The following BCL7B variants were observed in gnomAD, a reference collection of about 807,000 sequenced individuals.
BCL7B encodes the protein BAF chromatin remodeling complex subunit BCL7B, also known as B-cell CLL/lymphoma 7 protein family member B.
In BCL7B, 11 loss-of-function variants were observed where a neutral mutation model predicts 26.5. The ratio of observed to expected loss-of-function variants is 0.42; its 90% CI spans 0.26 to 0.69. The LOEUF is 0.69. BCL7B is among the 30% of genes least tolerant of loss of function. The pLI is 0.28. For missense variants in BCL7B, 215 were observed against 264.4 expected (o/e 0.81, Z 1.30); for synonymous variants, 111 against 107.9 (o/e 1.03, Z -0.18).
At chr7:73,547,757 T>C (rs1046356953) in intron 2 of BCL7B, among the ~76,000 whole-genome samples, 1 of 152,166 alleles carries the variant, frequency 6.6e-6, no homozygotes, top group African/African-American at 2.4e-5. Flanking sequence ...GAAGCTCTCT[T>C]TGACAAAACT....
In BCL7B at chr7:73,538,156, C is replaced by G. The variant is rs143909387; in HGVS notation, c.437-143G>C. On this transcript the variant is annotated intron_variant, in intron 4 of 5. Coordinates refer to ENST00000223368, the MANE Select transcript of BCL7B (RefSeq NM_001707.4). The stretch of plus-strand genomic sequence containing the variant: ...AAGCAAACATTCATTCAGGGCCCAG[C>G]TGGACCAGGTCACAGCCAAGAATGG... 5.4e-4 allele frequency: 256 copies of G among 477,798 alleles called. 3 individuals carry two copies. In the East Asian group the frequency reaches 8.3e-3, roughly 15 times the overall value. 29.6% of individuals were successfully genotyped at this position (477,798 alleles called of 1,614,324 possible). A position where few individuals can be genotyped will look rare whatever the true frequency, so the allele number is the denominator to read the frequency against.
At position 73,542,181 on chromosome 7, in the gene BCL7B, C is replaced by T. The variant is rs150505971; in HGVS notation, c.265+1367G>A. 6.8e-4 allele frequency among the ~76,000 whole-genome samples: 103 copies of T among 152,350 alleles called. 1 individual carries two copies. In the East Asian group the frequency reaches 0.012, roughly 18 times the overall value. On this transcript the variant is annotated intron_variant, in intron 3 of 5. Transcript: ENST00000223368. ...GTCCTTGACTCCCCAGTGCAACGCA[C>T]GGTACCTGCATACAGTGGGAGTTCA... is the stretch of plus-strand genomic sequence containing the variant.
chr7:73,550,595 C>T (rs1554584001), intron 2 of BCL7B, among the ~76,000 whole-genome samples: 1 of 151,750 alleles, frequency 6.6e-6, no homozygotes, highest in African/African-American at 2.4e-5. Context: ...AGTTGAACCA[C>T]AGAGAATACA....
chr7:73,545,239 G>C (rs2115772697), intron 2 of BCL7B, among the ~76,000 whole-genome samples: 1 of 152,230 alleles, frequency 6.6e-6, no homozygotes, highest in East Asian at 1.9e-4. Context: ...TTGAGACAGA[G>C]TCTTGCTCTG....
At chr7:73,540,934 G>A (rs1791747393) in intron 3 of BCL7B, among the ~76,000 whole-genome samples, 1 of 150,946 alleles carries the variant, frequency 6.6e-6, no homozygotes, top group Non-Finnish European at 1.5e-5. Flanking sequence ...ATCACTTGAG[G>A]TCAGAAGTTT....
At chr7:73,538,815 TAAAAAAAAAAAAA>T (rs1159395373) in intron 4 of BCL7B, among the ~76,000 whole-genome samples, 1 of 94,564 alleles carries the variant, frequency 1.1e-5, no homozygotes, top group African/African-American at 3.8e-5. Context: ...CCTATCTCTT[TAAAAAAAAAAAAA>T]AAAAAAAAAA....
rs1584007375 is a variant in BCL7B, at chr7:73,557,534, C to T, written c.45G>A (p.Lys15=). 2 of 1,442,788 alleles carry T rather than the reference C, an allele frequency of 1.4e-6. No individual in the cohort carries two copies. Among genetic ancestry groups the T allele is most frequent in the African/African-American group, 1.5e-5 (1 of 67,704 alleles). The allele number at this position is 1,442,788 out of a possible 1,614,324, so 89.4% of individuals were successfully genotyped here. Residue 15 remains lysine, a synonymous_variant, in exon 1 of 6, where the codon AAG becomes AAA. Transcript: ENST00000223368. ...SVRAETRSRA[K]DDIKKVMAAI... ...CCGCCATCACCTTCTTGATGTCGTC[C>T]TTGGCCCGGCTGCGGGTCTCCGCCC...
intron 2 of BCL7B, among the ~76,000 whole-genome samples, chr7:73,551,519 GTC>G (rs1554584152): frequency 2.0e-5 from 3 of 151,922 alleles, no homozygotes; most frequent in Non-Finnish European, 2.9e-5. Context: ...GGCCAGGCTG[GTC>G]TCGAACTCCC....
intron 3 of BCL7B, chr7:73,542,958 T>C: frequency 5.2e-6 from 2 of 387,130 alleles, no homozygotes; most frequent in South Asian, 3.8e-5. Context: ...AAAAAGCTTC[T>C]GATTCGGACA....
rs550493246 is a variant in BCL7B, at chr7:73,542,037, T to A, written c.265+1511A>T. ...CGGAGCCCTACCTCCCTGGCTCGCATAGGTGGAAATGCCCACCCTCTCTTA... is the reference window on the plus strand; with the variant it reads ...CGGAGCCCTACCTCCCTGGCTCGCAAAGGTGGAAATGCCCACCCTCTCTTA... On this transcript the variant is annotated intron_variant, in intron 3 of 5. Coordinates refer to ENST00000223368, the MANE Select transcript of BCL7B (RefSeq NM_001707.4). Among the ~76,000 whole-genome samples the A allele has an allele frequency of 5.3e-5, 8 of 152,298 alleles. No individual in the cohort carries two copies. The South Asian group carries it at 1.7e-3, about 32-fold the overall frequency.
intron 2 of BCL7B, among the ~76,000 whole-genome samples, chr7:73,551,296 TTTTG>T (rs1443998139): frequency 2.0e-5 from 3 of 152,138 alleles, no homozygotes; most frequent in Admixed American, 2.0e-4. Context: ...GTTTGGTTTT[TTTTG>T]TTTGTTTGCT....
intron 3 of BCL7B, among the ~76,000 whole-genome samples, chr7:73,541,212 G>A (rs562856990): frequency 3.3e-5 from 5 of 152,020 alleles, no homozygotes; most frequent in African/African-American, 1.2e-4. Context: ...TTCCTCCGCT[G>A]CACCTACAGT....
chr7:73,550,952 C>T (rs879992427), intron 2 of BCL7B, among the ~76,000 whole-genome samples: 5 of 152,142 alleles, frequency 3.3e-5, no homozygotes, highest in Non-Finnish European at 7.4e-5. Context: ...CCACCACGCC[C>T]GGCCCACATA....
At chr7:73,557,041 CCAACTT>C in intron 1 of BCL7B, 1 of 987,592 alleles carries the variant, frequency 1.0e-6, no homozygotes, top group Non-Finnish European at 1.2e-6. Context: ...AGAAACTCAC[CCAACTT>C]CAACGCCTGA....
chr7:73,543,708 G>A, intron 2 of BCL7B, 64 bp from the exon 3 acceptor site: 1 of 1,346,196 alleles, frequency 7.4e-7, no homozygotes, highest in South Asian at 1.2e-5. Context: ...GAGGGAGGAG[G>A]GTGCTATGTG....
chr7:73,548,458 A>C (rs1792037407), intron 2 of BCL7B, among the ~76,000 whole-genome samples: 1 of 151,950 alleles, frequency 6.6e-6, no homozygotes, highest in South Asian at 2.1e-4. Context: ...GGAAACAACA[A>C]CAACAAAAAT....
intron 2 of BCL7B, 60 bp downstream of exon 2, chr7:73,552,107 A>AT: frequency 7.2e-7 from 1 of 1,389,694 alleles, no homozygotes; most frequent in Non-Finnish European, 1.0e-6. Context: ...AAAAAAAAAA[A>AT]GAGGCAATCA....
Position 73,537,400 on chromosome 7 carries a change from G to C in BCL7B, c.517-10C>G, listed in dbSNP as rs1272458521. On this transcript the variant is annotated splice_polypyrimidine_tract_variant and intron_variant, in intron 5 of 5. Transcript: ENST00000223368. Reference sequence around the variant, plus strand: ...CCTCTTCCTCAACGACCTAGGAGCAGGCAGAGCATGGAATGCCAGGGCCAC... The same window carrying C: ...CCTCTTCCTCAACGACCTAGGAGCACGCAGAGCATGGAATGCCAGGGCCAC... 1 of 1,612,618 alleles carries C rather than the reference G, an allele frequency of 6.2e-7. No homozygotes were observed. Among genetic ancestry groups the C allele is most frequent in the Non-Finnish European group, 8.5e-7 (1 of 1,178,896 alleles).
At chr7:73,556,726 A>G (rs1792373630) in intron 1 of BCL7B, among the ~76,000 whole-genome samples, 1 of 152,168 alleles carries the variant, frequency 6.6e-6, no homozygotes, top group Admixed American at 6.6e-5. Context: ...GGTCCCAGCA[A>G]TCCTCCCACC....
Sources: gnomAD v4.1 joint callset for allele counts (sites outside exome capture counted in the v4.1 genomes callset) on GRCh38, gnomAD v4.1.1 for gene constraint, MANE v1.5 for transcripts, NCBI Gene and HGNC (gene_info 2026-07-23, HGNC 2026-07-21) for gene names.